EBF2: variants seen among roughly 807,000 people sequenced by gnomAD.
EBF2 encodes the protein EBF transcription factor 2, also known as transcription factor COE2.
Under a neutral mutation model 72.8 loss-of-function variants are expected in EBF2, and 21 were observed. The observed-to-expected ratio is 0.29, with a 90% confidence interval of 0.20 to 0.42. The LOEUF is 0.42. Among genes scored for constraint, EBF2 ranks in the 10% least tolerant of loss-of-function variants. EBF2 has a pLI of 1.00. For synonymous variants in EBF2, 299 were observed against 274.2 expected (o/e 1.09, Z -0.89); for missense variants, 637 against 731.2 (o/e 0.87, Z 1.49).
rs760013798 is a variant in EBF2, at chr8:25,861,317, T to G, written c.1156A>C (p.Asn386His). 1 of 1,614,106 alleles carries G rather than the reference T, an allele frequency of 6.2e-7. No individual in the cohort carries two copies. The highest frequency in any genetic ancestry group is 1.3e-5 in the African/African-American group (1 of 74,946). The change falls in exon 12 of 16, where the codon AAT becomes CAT. Residue 386 changes from asparagine (N) to histidine (H), a missense_variant. Physicochemically the swap from Asn to His is moderately conservative, Grantham distance 68 (BLOSUM62 1). Transcript: ENST00000520164. Reference sequence around the variant, plus strand: ...GGATGTCAGTATCTCACCTGGTTATTGTGTGGTGTGCCATAAAGAGCTTCC... The same window carrying G: ...GGATGTCAGTATCTCACCTGGTTATGGTGTGGTGTGCCATAAAGAGCTTCC... ...LVEALYGTPHNNQDIILKRAA... is the reference protein window; with the variant it reads ...LVEALYGTPHHNQDIILKRAA...
intron 6 of EBF2, among the ~76,000 whole-genome samples, chr8:25,999,791 A>G (rs527830955): frequency 5.3e-5 from 8 of 152,102 alleles, no homozygotes; most frequent in African/African-American, 1.9e-4. Context: ...TCTTTCTACC[A>G]TCACATTTCT....
intron 6 of EBF2, among the ~76,000 whole-genome samples, chr8:25,996,026 G>T (rs1804621947): frequency 6.6e-6 from 1 of 152,096 alleles, no homozygotes. Flanking sequence ...AGGTACAATG[G>T]ATCATGCCTG....
rs568703811 is a variant in EBF2, at chr8:26,011,886, A to G, written c.551+21199T>C. Among the ~76,000 whole-genome samples, 93 of 152,128 alleles carry G rather than the reference A, an allele frequency of 6.1e-4. 1 individual carries two copies. The South Asian group carries it at 0.013, about 21-fold the overall frequency. On this transcript the variant is annotated intron_variant, in intron 6 of 15. Transcript: ENST00000520164. ...AGGAGCATGGTGACATCAATCATAAATGGATGCCCGGGCAAGCGTCCCCTC... is the reference window on the plus strand; with the variant it reads ...AGGAGCATGGTGACATCAATCATAAGTGGATGCCCGGGCAAGCGTCCCCTC...
intron 10 of EBF2, among the ~76,000 whole-genome samples, chr8:25,873,549 A>C (rs1039658232): frequency 1.3e-5 from 2 of 152,236 alleles, no homozygotes; most frequent in Non-Finnish European, 2.9e-5. Context: ...CATTATTAAG[A>C]GGCGGTACCT....
chr8:26,015,615 C>T (rs1805098745), intron 6 of EBF2, among the ~76,000 whole-genome samples: 1 of 152,206 alleles, frequency 6.6e-6, no homozygotes, highest in Non-Finnish European at 1.5e-5. Flanking sequence ...GCCAGTCACT[C>T]TTGTTGCAAA....
At chr8:25,886,938 A>T in intron 9 of EBF2, 57 bp from the exon 10 acceptor site, 1 of 1,583,592 alleles carries the variant, frequency 6.3e-7, no homozygotes, top group Non-Finnish European at 8.6e-7. Flanking sequence ...ATCACCAAGG[A>T]CATAAGGTGT....
intron 6 of EBF2, among the ~76,000 whole-genome samples, chr8:25,998,963 T>G (rs1804678947): frequency 6.6e-6 from 1 of 152,078 alleles, no homozygotes; most frequent in African/African-American, 2.4e-5. Flanking sequence ...GTAACTAGTA[T>G]AGGGAAAGAA....
chr8:25,965,046 T>C (rs1804092700), intron 6 of EBF2, among the ~76,000 whole-genome samples: 1 of 152,192 alleles, frequency 6.6e-6, no homozygotes. Context: ...AGATGAGAAA[T>C]ATCAGTTCTT....
intron 6 of EBF2, among the ~76,000 whole-genome samples, chr8:25,995,454 C>G (rs1038357368): frequency 2.0e-5 from 3 of 151,922 alleles, no homozygotes; most frequent in African/African-American, 7.3e-5. Flanking sequence ...AAAATATCTG[C>G]TATAATAATA....
rs187602444 is a variant in EBF2 at position 25,861,241 on chromosome 8, G to A, written c.1165-15C>T. On this transcript the variant is annotated splice_polypyrimidine_tract_variant and intron_variant, in intron 12 of 15. Coordinates refer to ENST00000520164, the MANE Select transcript of EBF2 (RefSeq NM_022659.4). ...AAAATGATGTCCTACAAAACAACAG[G>A]TTAATGTGAGCATTCTATCCAGCAT... is the stretch of plus-strand genomic sequence containing the variant. The A allele has an allele frequency of 3.7e-6, 6 of 1,613,480 alleles. No homozygotes were observed. In the East Asian group the frequency reaches 1.3e-4, roughly 36 times the overall value.
chr8:26,043,161 C>A (rs983680736), intron 1 of EBF2, among the ~76,000 whole-genome samples: 15 of 152,230 alleles, frequency 9.9e-5, no homozygotes, highest in Non-Finnish European at 1.8e-4. Flanking sequence ...TGTGCACACG[C>A]TTCCCAGCCA....
intron 6 of EBF2, among the ~76,000 whole-genome samples, chr8:25,979,381 T>C (rs868669998): frequency 4.6e-5 from 7 of 152,180 alleles, no homozygotes; most frequent in Non-Finnish European, 1.0e-4. Context: ...TCGAGTCACA[T>C]TGTGTCATGC....
intron 6 of EBF2, among the ~76,000 whole-genome samples, chr8:25,952,641 C>T (rs181036892): frequency 6.6e-6 from 1 of 152,152 alleles, no homozygotes; most frequent in African/African-American, 2.4e-5. Flanking sequence ...TAATCTCCCC[C>T]CTACACTTCA....
rs58880741 is a variant in EBF2, at chr8:25,916,285, C to CA, written c.552-7731dup. Among the ~76,000 whole-genome samples, 796 of 112,472 alleles carry CA rather than the reference C, an allele frequency of 7.1e-3. 4 individuals are homozygous for CA. The highest frequency in any genetic ancestry group is 0.022 in the African/African-American group (703 of 31,816). The allele number at this position is 112,472 out of a possible 152,430, so 73.8% of individuals were successfully genotyped here. On this transcript the variant is annotated intron_variant, in intron 6 of 15. Transcript: ENST00000520164. ...TGGGCTACAGAGTGAGACTCTATCT[C>CA]AAAAAAAAAAAAAAAAGCAAAAAAC...
At position 25,981,100 on chromosome 8, in the gene EBF2, C is replaced by T. The variant is rs140896703; in HGVS notation, c.551+51985G>A. Among the ~76,000 whole-genome samples, 19 of 152,296 alleles carry T rather than the reference C, an allele frequency of 1.2e-4. No individual in the cohort carries two copies. In the East Asian group the frequency reaches 3.1e-3, roughly 25 times the overall value. On this transcript the variant is annotated intron_variant, in intron 6 of 15. Coordinates refer to ENST00000520164, the MANE Select transcript of EBF2 (RefSeq NM_022659.4). ...CTAAGCCTTGCTCCTCCCTGCTCTG[C>T]CCCCGAAGCCTCCTTCTTCACCCTC...
intron 6 of EBF2, among the ~76,000 whole-genome samples, chr8:25,988,463 C>T (rs1209442082): frequency 6.6e-6 from 1 of 152,148 alleles, no homozygotes; most frequent in Non-Finnish European, 1.5e-5. Flanking sequence ...TCTGCCAAAA[C>T]TTATCTCTGG....
At chr8:26,027,796 T>C (rs1009478849) in intron 6 of EBF2, among the ~76,000 whole-genome samples, 2 of 152,160 alleles carry the variant, frequency 1.3e-5, no homozygotes, top group Admixed American at 6.5e-5. Flanking sequence ...AGAAAGGATA[T>C]TCTGACACAT....
chr8:25,850,040 G>C (rs1392861603), intron 15 of EBF2, among the ~76,000 whole-genome samples: 7 of 152,152 alleles, frequency 4.6e-5, no homozygotes, highest in Non-Finnish European at 5.9e-5. Flanking sequence ...CTCCTCAGTT[G>C]TATTAACCAT....
chr8:25,919,217 G>T (rs1295341835), intron 6 of EBF2, among the ~76,000 whole-genome samples: 1 of 152,122 alleles, frequency 6.6e-6, no homozygotes, highest in Non-Finnish European at 1.5e-5. Flanking sequence ...AATAAACCAG[G>T]ATCAGCAGAG....
Sources: gnomAD v4.1 joint callset for allele counts (sites outside exome capture counted in the v4.1 genomes callset) on GRCh38, gnomAD v4.1.1 for gene constraint, MANE v1.5 for transcripts, NCBI Gene and HGNC (gene_info 2026-07-23, HGNC 2026-07-21) for gene names.